The following CDC34 variants were observed in gnomAD, a reference collection of about 807,000 sequenced individuals.
CDC34 encodes the protein ubiquitin-conjugating enzyme E2 R1.
A neutral mutation model predicts 26.8 loss-of-function variants in CDC34; 18 were observed. The ratio of observed to expected loss-of-function variants is 0.67; its 90% CI spans 0.47 to 1.00. The LOEUF (loss-of-function observed/expected upper bound fraction) is 1.00. Among genes scored for constraint, CDC34 ranks in the 50% least tolerant of loss-of-function variants. CDC34 has a pLI of 0.00. For synonymous variants in CDC34, 178 were observed against 147.5 expected, an observed-to-expected ratio of 1.21 and a Z score of -1.50; for missense variants, 280 against 334.5, an observed-to-expected ratio of 0.84 and a Z score of 1.27.
chr19:537,865 C>CA (rs1415063821), intron 4 of CDC34, among the ~76,000 whole-genome samples: 2 of 151,450 alleles, frequency 1.3e-5, no homozygotes, highest in Admixed American at 1.3e-4. Context: ...CCATCTTAGC[C>CA]AGGCTGGTCT....
chr19:539,485 G>A (rs887646461), intron 4 of CDC34, among the ~76,000 whole-genome samples: 4 of 152,218 alleles, frequency 2.6e-5, no homozygotes, highest in Non-Finnish European at 4.4e-5. Flanking sequence ...CGTCCGCTGG[G>A]TCCCGCCACC....
chr19:532,808 C>G (rs929233802), intron 1 of CDC34, among the ~76,000 whole-genome samples: 4 of 152,170 alleles, frequency 2.6e-5, no homozygotes, highest in Non-Finnish European at 4.4e-5. Flanking sequence ...GAAGTAGGGG[C>G]GTGCCTCCCA....
intron 1 of CDC34, among the ~76,000 whole-genome samples, chr19:533,554 C>T (rs1979595152): frequency 6.6e-6 from 1 of 152,228 alleles, no homozygotes; most frequent in Admixed American, 6.5e-5. Flanking sequence ...TCCGCCAGCC[C>T]CTTCTGTCTG....
At chr19:532,212 C>T (rs894621966) in intron 1 of CDC34, 104 bp downstream of exon 1, 21 of 902,244 alleles carry the variant, frequency 2.3e-5, no homozygotes, top group East Asian at 3.3e-5. Flanking sequence ...CTGGGCGGGC[C>T]CCGAAGCCTC....
chr19:537,202 C>T (rs879042464), intron 4 of CDC34, 55 bp downstream of exon 4: 20 of 1,593,668 alleles, frequency 1.3e-5, no homozygotes, highest in Admixed American at 3.4e-5. Flanking sequence ...GCCTGCACCC[C>T]GGCCCCTGGT....
At chr19:537,200 C>A (rs1030986575) in intron 4 of CDC34, 53 bp downstream of exon 4, 72 of 1,595,610 alleles carry the variant, frequency 4.5e-5, no homozygotes, top group Non-Finnish European at 6.1e-5. Context: ...CGGCCTGCAC[C>A]CCGGCCCCTG....
At chr19:536,759 T>G in intron 3 of CDC34, 1 of 564,854 alleles carries the variant, frequency 1.8e-6, no homozygotes. Flanking sequence ...GACGTGCGGG[T>G]GTGAGGGCAG....
In CDC34 at chr19:539,155, C is replaced by T. The variant is rs1179931107; in HGVS notation, c.497+2008C>T. The T allele has an allele frequency of 4.4e-5, 18 of 406,014 alleles. No homozygotes were observed. The East Asian group carries it at 1.6e-3, about 37-fold the overall frequency. The allele number at this position is 406,014 out of a possible 1,614,324, so 25.2% of individuals were successfully genotyped here. A position where few individuals can be genotyped will look rare whatever the true frequency, so the allele number is the denominator to read the frequency against. ...CAGCCCAAGTCCCGCTGAGCTGTGT[C>T]GGGCAGGCTGCCGTGGAGCCCGGCT... On this transcript the variant is annotated intron_variant, in intron 4 of 4. Transcript: ENST00000215574.
rs751512779 is a variant in CDC34, at chr19:536,821, G to A, written c.363-192G>A. 3.2e-5 allele frequency: 20 copies of A among 631,054 alleles called. 1 individual carries two copies. Among genetic ancestry groups the A allele is most frequent in the African/African-American group, 7.3e-5 (4 of 54,746 alleles). 39.1% of individuals were successfully genotyped at this position (631,054 alleles called of 1,614,324 possible). A position where few individuals can be genotyped will look rare whatever the true frequency, so the allele number is the denominator to read the frequency against. Reference sequence around the variant, plus strand: ...CCTTGCTGCCCTCCCTGGTCTTGGCGTGGGAGGGAGGAGACTGATGCAGGT... The same window carrying A: ...CCTTGCTGCCCTCCCTGGTCTTGGCATGGGAGGGAGGAGACTGATGCAGGT... On this transcript the variant is annotated intron_variant, in intron 3 of 4. Transcript: ENST00000215574.
intron 1 of CDC34, among the ~76,000 whole-genome samples, 196 bp downstream of exon 1, chr19:532,304 C>T (rs938389879): frequency 2.6e-5 from 4 of 152,232 alleles, no homozygotes; most frequent in Admixed American, 1.3e-4. Context: ...GTCTCGGGGA[C>T]CTTCAGCCTC....
intron 1 of CDC34, 110 bp from the exon 2 acceptor site, chr19:535,727 A>G: frequency 1.2e-6 from 1 of 841,992 alleles, no homozygotes; most frequent in South Asian, 1.4e-5. Context: ...TGTCCCTCAC[A>G]CACACCCTCA....
rs762396271 is a variant in CDC34 at position 541,422 on chromosome 19, C to T, written c.581C>T (p.Thr194Ile). 6.2e-7 allele frequency: 1 copy of T among 1,612,390 alleles called. No individual in the cohort carries two copies. The highest frequency in any genetic ancestry group is 8.5e-7 in the Non-Finnish European group (1 of 1,179,890). ...PTTLAEYCVK[T>I]KAPAPDEGSD... is the part of the protein sequence containing the mutation. ...ACGCTGGCCGAGTACTGCGTGAAGA[C>T]CAAGGCGCCGGCGCCCGACGAGGGC... Residue 194 changes from threonine to isoleucine, a missense_variant, in exon 5 of 5, where the codon ACC becomes ATC. By Grantham distance (89) the Thr-to-Ile change is moderately conservative (BLOSUM62 -1). Transcript: ENST00000215574.
At chr19:540,840 C>T (rs202165115) in intron 4 of CDC34, among the ~76,000 whole-genome samples, 7 of 147,788 alleles carry the variant, frequency 4.7e-5, no homozygotes, top group African/African-American at 1.8e-4. Context: ...GCCAGGCCCC[C>T]GGGTTTAGAA....
rs752271754 is a variant in CDC34 at position 535,817 on chromosome 19, C to T, written c.178-20C>T. 4 of 1,605,856 alleles carry T rather than the reference C, an allele frequency of 2.5e-6. No individual in the cohort carries two copies. Among genetic ancestry groups the T allele is most frequent in the Non-Finnish European group, 3.4e-6 (4 of 1,173,526 alleles). ...CTTGGGGCTGGGCTGGACTGAGCCA[C>T]CTGCCTTCTGCCCCTGCAGGCGCGC... On this transcript the variant is annotated intron_variant, in intron 1 of 4. Transcript: ENST00000215574.
In CDC34 at chr19:541,624, C is replaced by T. The variant is rs1980023288; in HGVS notation, c.*72C>T. 1 of 1,463,260 alleles carries T rather than the reference C, an allele frequency of 6.8e-7. No individual in the cohort carries two copies. The highest frequency in any genetic ancestry group is 2.6e-5 in the Admixed American group (1 of 38,658). 90.6% of individuals were successfully genotyped at this position (1,463,260 alleles called of 1,614,324 possible). A position where few individuals can be genotyped will look rare whatever the true frequency, so the allele number is the denominator to read the frequency against. On this transcript the variant is annotated 3_prime_UTR_variant, in exon 5 of 5. Coordinates refer to ENST00000215574, the MANE Select transcript of CDC34 (RefSeq NM_004359.2). The stretch of plus-strand genomic sequence containing the variant: ...CGTGGCTCCTTAGACGACAGACTAC[C>T]TCACGGAGGTTTTGTGCTGGTCCCC...
chr19:533,325 G>A (rs1301333902), intron 1 of CDC34, among the ~76,000 whole-genome samples: 1 of 152,226 alleles, frequency 6.6e-6, no homozygotes, highest in African/African-American at 2.4e-5. Context: ...GCGTGGGGCC[G>A]AGGGACCGAT....
intron 3 of CDC34, 132 bp from the exon 4 acceptor site, chr19:536,881 G>A: frequency 1.0e-6 from 1 of 961,916 alleles, no homozygotes. Context: ...TGAGACAGAA[G>A]CAGAGGCCAT....
At chr19:534,549 G>A (rs1201310068) in intron 1 of CDC34, among the ~76,000 whole-genome samples, 1 of 84,272 alleles carries the variant, frequency 1.2e-5, no homozygotes, top group African/African-American at 3.8e-5. Context: ...CAAGACCCCC[G>A]AGTACCCTCC....
intron 1 of CDC34, among the ~76,000 whole-genome samples, chr19:534,216 A>G (rs1979621218): frequency 6.6e-6 from 1 of 152,044 alleles, no homozygotes; most frequent in African/African-American, 2.4e-5. Flanking sequence ...CAGTTCTGAG[A>G]CTGAAGTTCC....
Sources: allele counts gnomAD v4.1 joint callset (sites outside exome capture counted in the v4.1 genomes callset), GRCh38; gene constraint gnomAD v4.1.1; transcripts MANE v1.5; gene names NCBI Gene and HGNC (gene_info 2026-07-23, HGNC 2026-07-21).